CACNA1C: variants seen among roughly 807,000 people sequenced by gnomAD.
CACNA1C encodes the protein calcium voltage-gated channel subunit alpha1 C.
Under a neutral mutation model 229.0 loss-of-function variants are expected in CACNA1C, and 30 were observed. That is an observed-to-expected ratio of 0.13 (90% CI 0.10 to 0.18). CACNA1C has a LOEUF of 0.18. Ranked by LOEUF, CACNA1C falls within the 10% of genes least tolerant of loss-of-function variation. The pLI is 1.00. For synonymous variants in CACNA1C, 1,114 were observed against 1,132.5 expected, an observed-to-expected ratio of 0.98 and a Z score of 0.33; for missense variants, 1,658 against 2,845.0, an observed-to-expected ratio of 0.58 and a Z score of 9.49.
chr12:2,190,567 G>C (rs1032410411), intron 3 of CACNA1C, among the ~76,000 whole-genome samples: 8 of 152,204 alleles, frequency 5.3e-5, no homozygotes, highest in Non-Finnish European at 7.3e-5. Flanking sequence ...AGGTGCAAAG[G>C]ACGTAGAAAT....
chr12:2,156,560 T>C (rs2095565891), intron 3 of CACNA1C, among the ~76,000 whole-genome samples: 1 of 152,256 alleles, frequency 6.6e-6, no homozygotes, highest in Non-Finnish European at 1.5e-5. Flanking sequence ...TTAACAACCA[T>C]ACAGCTGCAA....
intron 1 of CACNA1C, among the ~76,000 whole-genome samples, chr12:2,031,517 G>A (rs2048221053): frequency 2.0e-5 from 3 of 152,166 alleles, no homozygotes; most frequent in Admixed American, 2.0e-4. Context: ...GAACAAAAGA[G>A]GATTGGATAA....
chr12:2,248,498 A>G (rs1270213621), intron 3 of CACNA1C, among the ~76,000 whole-genome samples: 1 of 152,202 alleles, frequency 6.6e-6, no homozygotes, highest in Non-Finnish European at 1.5e-5. Context: ...GCAGTGCTGT[A>G]GAAACTGGCA....
intron 3 of CACNA1C, among the ~76,000 whole-genome samples, chr12:2,257,769 C>T (rs904681542): frequency 1.1e-4 from 16 of 152,258 alleles, no homozygotes; most frequent in Non-Finnish European, 2.9e-5. Context: ...AGGTTTAACT[C>T]TCTAGTCTTC....
Position 2,346,600 on chromosome 12 carries a change from T to C in CACNA1C, c.478-102376T>C, listed in dbSNP as rs1185469895. Among the ~76,000 whole-genome samples, 4 of 152,184 alleles carry C rather than the reference T, an allele frequency of 2.6e-5. No individual in the cohort carries two copies. The highest frequency in any genetic ancestry group is 5.9e-5 in the Non-Finnish European group (4 of 68,028). On this transcript the variant is annotated intron_variant, in intron 3 of 46. Transcript: ENST00000399655. The surrounding 1 kb of genome is among the most constrained non-coding windows in gnomAD (Gnocchi z 4.4). ...CCATTTCTCTTAGCCGGCCCCAGTG[T>C]GTGTCCTGGGGGCGTAGTCACTGCC...
intron 1 of CACNA1C, among the ~76,000 whole-genome samples, chr12:2,063,397 G>T (rs190960465): frequency 2.6e-5 from 4 of 152,160 alleles, no homozygotes; most frequent in South Asian, 2.1e-4. Context: ...TGATCCACCC[G>T]CTTGGCCTCC....
chr12:2,435,357 G>A (rs2099124336), intron 3 of CACNA1C, among the ~76,000 whole-genome samples: 3 of 152,236 alleles, frequency 2.0e-5, no homozygotes, highest in Admixed American at 2.0e-4. Flanking sequence ...TCCATGGCAT[G>A]TGTCCTTCCT....
chr12:2,605,862 T>A lies in CACNA1C; in HGVS notation c.3156+76T>A. 1 of 1,019,436 alleles carries A rather than the reference T, an allele frequency of 9.8e-7. No homozygotes were observed. Among genetic ancestry groups the A allele is most frequent in the Non-Finnish European group, 1.6e-6 (1 of 643,910 alleles). 63.1% of individuals were successfully genotyped at this position (1,019,436 alleles called of 1,614,324 possible). A position where few individuals can be genotyped will look rare whatever the true frequency, so the allele number is the denominator to read the frequency against. On this transcript the variant is annotated intron_variant, in intron 24 of 46. Coordinates refer to ENST00000399655, the MANE Select transcript of CACNA1C (RefSeq NM_000719.7). This position sits in a 1 kb window ranked among gnomAD's most constrained non-coding sequence, Gnocchi z 6.2. ...TCCTGGGGAAGGGAACTGGCAGATA[T>A]AGTACAAACGAGACAGTGTCCTGAG...
In CACNA1C at chr12:2,410,251, G is replaced by T. The variant is rs1023052598; in HGVS notation, c.478-38725G>T. Among the ~76,000 whole-genome samples, 6 of 152,124 alleles carry T rather than the reference G, an allele frequency of 3.9e-5. No individual in the cohort carries two copies. Among genetic ancestry groups the T allele is most frequent in the Non-Finnish European group, 7.4e-5 (5 of 68,024 alleles). ...TGGCGACCGCAGAATCGACCTCAAC[G>T]AGCTCGTCGCCGGGCACCGTTTTAG... On this transcript the variant is annotated intron_variant, in intron 3 of 46. Coordinates refer to ENST00000399655, the MANE Select transcript of CACNA1C (RefSeq NM_000719.7). This position sits in a 1 kb window ranked among gnomAD's most constrained non-coding sequence, Gnocchi z 5.3.
At position 2,115,450 on chromosome 12, in the gene CACNA1C, G is replaced by A; in HGVS notation, c.276G>A (p.Gln92=). ...KRQQYGKPKK[Q]GSTTATRPPR... ...AGCAATATGGGAAACCCAAGAAGCA[G>A]GGCAGCACCACGGCCACACGCCCGC... Residue 92 remains glutamine, a synonymous_variant, in exon 2 of 47, where the codon CAG becomes CAA. Transcript: ENST00000399655. 6.2e-7 allele frequency: 1 copy of A among 1,613,290 alleles called. No homozygotes were observed. Among genetic ancestry groups the A allele is most frequent in the South Asian group, 1.1e-5 (1 of 91,080 alleles).
chr12:2,224,283 T>A (rs1325597962), intron 3 of CACNA1C, among the ~76,000 whole-genome samples: 5 of 152,220 alleles, frequency 3.3e-5, no homozygotes, highest in African/African-American at 1.2e-4. Flanking sequence ...AAAGTATGAT[T>A]TCTGGTCTCC....
In CACNA1C at chr12:2,448,966, T is replaced by C. The variant is rs1414468096; in HGVS notation, c.478-10T>C. 5 of 1,602,364 alleles carry C rather than the reference T, an allele frequency of 3.1e-6. No individual in the cohort carries two copies. The highest frequency in any genetic ancestry group is 1.1e-5 in the South Asian group (1 of 88,796). ...CTTATTTTTCTCTCTTTTCTATTTC[T>C]GTTTCCTAGGAACGAGTGGAATATC... On this transcript the variant is annotated splice_polypyrimidine_tract_variant and intron_variant, in intron 3 of 46. Transcript: ENST00000399655.
Position 2,138,877 on chromosome 12 carries a change from C to A in CACNA1C, c.477+18447C>A, listed in dbSNP as rs904914073. Among the ~76,000 whole-genome samples, 16 of 150,696 alleles carry A rather than the reference C, an allele frequency of 1.1e-4. 1 individual carries two copies. The highest frequency in any genetic ancestry group is 2.1e-4 in the Non-Finnish European group (14 of 67,434). On this transcript the variant is annotated intron_variant, in intron 3 of 46. Transcript: ENST00000399655. ...ACTTAGACAATCCCCAAGGCCCAGA[C>A]TTGGAGTCCCTTCTTGTAGGAAGTT...
chr12:2,508,829 G>T (rs562862341), intron 8 of CACNA1C, among the ~76,000 whole-genome samples: 7 of 152,254 alleles, frequency 4.6e-5, no homozygotes, highest in South Asian at 4.1e-4. Flanking sequence ...TTTATTATCT[G>T]ATGGTCCTCA....
intron 5 of CACNA1C, among the ~76,000 whole-genome samples, chr12:2,480,893 C>A (rs1296492310): frequency 6.6e-6 from 1 of 152,232 alleles, no homozygotes; most frequent in Non-Finnish European, 1.5e-5. Context: ...ACAATGGAAT[C>A]TAACGTTGGC....
At chr12:2,557,954 C>T (rs2045369315) in intron 11 of CACNA1C, among the ~76,000 whole-genome samples, 1 of 152,182 alleles carries the variant, frequency 6.6e-6, no homozygotes. Flanking sequence ...TGAATTCACT[C>T]CCACAAAGCT....
At chr12:2,412,394 G>A (rs1374588216) in intron 3 of CACNA1C, among the ~76,000 whole-genome samples, 1 of 152,238 alleles carries the variant, frequency 6.6e-6, no homozygotes, top group African/African-American at 2.4e-5. Context: ...GATCTTTTGA[G>A]ATCATGGGGA....
chr12:2,156,245 A>G (rs1297012793), intron 3 of CACNA1C, among the ~76,000 whole-genome samples: 3 of 152,252 alleles, frequency 2.0e-5, no homozygotes, highest in Admixed American at 2.0e-4. Context: ...ACATGAAAGT[A>G]TGCTTTATTA....
Position 2,152,055 on chromosome 12 carries a change from C to G in CACNA1C, c.477+31625C>G, listed in dbSNP as rs1403672546. 6.6e-6 allele frequency among the ~76,000 whole-genome samples: 1 copy of G among 152,314 alleles called. No individual in the cohort carries two copies. The highest frequency in any genetic ancestry group is 6.5e-5 in the Admixed American group (1 of 15,304). On this transcript the variant is annotated intron_variant, in intron 3 of 46. Transcript: ENST00000399655. This position sits in a 1 kb window ranked among gnomAD's most constrained non-coding sequence, Gnocchi z 4.2. Reference sequence around the variant, plus strand: ...TAGTGTGAGAAACTTGAAACTCAGTCTCATTGCTATTTGTGGTAATGGTCA... The same window carrying G: ...TAGTGTGAGAAACTTGAAACTCAGTGTCATTGCTATTTGTGGTAATGGTCA...
Sources: allele counts gnomAD v4.1 joint callset (sites outside exome capture counted in the v4.1 genomes callset), GRCh38; gene constraint gnomAD v4.1.1; non-coding constraint Gnocchi (gnomAD v3.1); transcripts MANE v1.5; gene names NCBI Gene and HGNC (gene_info 2026-07-23, HGNC 2026-07-21).